The following PTPRG variants were observed in gnomAD, a reference collection of about 807,000 sequenced individuals.
PTPRG encodes the protein receptor-type tyrosine-protein phosphatase gamma.
Under a neutral mutation model 165.3 loss-of-function variants are expected in PTPRG, and 102 were observed. That is an observed-to-expected ratio of 0.62 (90% confidence interval 0.53 to 0.73). The LOEUF (loss-of-function observed/expected upper bound fraction) is 0.73. Among genes scored for constraint, PTPRG ranks in the 30% least tolerant of loss-of-function variants. The pLI, the probability that PTPRG is intolerant of heterozygous loss-of-function variation, is 0.00. For synonymous variants in PTPRG, 675 were observed against 669.5 expected (o/e 1.01, Z -0.13); for missense variants, 1,866 against 1,861.4 (o/e 1.00, Z -0.05).
intron 1 of PTPRG, among the ~76,000 whole-genome samples, chr3:61,630,677 C>T (rs1464969369): frequency 6.6e-6 from 1 of 152,144 alleles, no homozygotes; most frequent in Non-Finnish European, 1.5e-5. Flanking sequence ...CATCTCAAGT[C>T]TCTTTGACCA....
intron 1 of PTPRG, among the ~76,000 whole-genome samples, chr3:61,653,903 G>GGCGGT (rs1553644925): frequency 6.5e-5 from 9 of 137,920 alleles, no homozygotes; most frequent in South Asian, 2.4e-4. Flanking sequence ...GAGCGGTGGG[G>GGCGGT]GGCGCGGGGA....
chr3:61,940,270 G>T (rs957647681), intron 2 of PTPRG, among the ~76,000 whole-genome samples: 1 of 152,038 alleles, frequency 6.6e-6, no homozygotes, highest in African/African-American at 2.4e-5. Context: ...TTTTAATGTG[G>T]TTGCATTACT....
At chr3:61,781,893 T>TTG (rs1305217423) in intron 2 of PTPRG, among the ~76,000 whole-genome samples, 8 of 149,334 alleles carry the variant, frequency 5.4e-5, no homozygotes, top group Non-Finnish European at 1.2e-4. Context: ...ATGCCCAGTT[T>TTG]TTTTTTTTTT....
At chr3:62,184,734 T>C (rs7635024) in intron 8 of PTPRG, among the ~76,000 whole-genome samples, 46,943 of 152,094 alleles carry the variant, frequency 0.31, 7,715 homozygotes, top group African/African-American at 0.43. Context: ...CATATGATGT[T>C]GCAACACCTC....
At chr3:62,248,975 T>C (rs1314998312) in intron 15 of PTPRG, among the ~76,000 whole-genome samples, 1 of 152,200 alleles carries the variant, frequency 6.6e-6, no homozygotes, top group Non-Finnish European at 1.5e-5. Context: ...ACCAACCTTG[T>C]TGGCATATTT....
At chr3:61,923,263 C>T (rs531730949) in intron 2 of PTPRG, among the ~76,000 whole-genome samples, 1 of 152,200 alleles carries the variant, frequency 6.6e-6, no homozygotes, top group South Asian at 2.1e-4. Context: ...AGACCCTGAG[C>T]TGTGTGAAAA....
chr3:62,250,480 T>C (rs1045479035), intron 15 of PTPRG, among the ~76,000 whole-genome samples: 2 of 152,204 alleles, frequency 1.3e-5, no homozygotes, highest in Non-Finnish European at 2.9e-5. Flanking sequence ...TGCTTATTTT[T>C]CCTTTCTAAT....
intron 2 of PTPRG, among the ~76,000 whole-genome samples, chr3:61,984,532 G>T (rs2040711278): frequency 6.6e-6 from 1 of 152,112 alleles, no homozygotes; most frequent in Non-Finnish European, 1.5e-5. Context: ...GTAAAACCTG[G>T]TTAGTAAAAT....
chr3:61,660,166 A>C (rs1455294211), intron 1 of PTPRG, among the ~76,000 whole-genome samples: 1 of 152,212 alleles, frequency 6.6e-6, no homozygotes, highest in Non-Finnish European at 1.5e-5. Flanking sequence ...TAGAGGTTGT[A>C]GTGAGGTCAG....
intron 1 of PTPRG, among the ~76,000 whole-genome samples, chr3:61,649,483 C>T (rs780732147): frequency 3.9e-5 from 6 of 152,174 alleles, no homozygotes; most frequent in African/African-American, 7.2e-5. Flanking sequence ...TGTGACCTCT[C>T]ATGCAGAAGT....
rs552516393 is a variant in PTPRG, at chr3:62,255,789, G to A, written c.2559+574G>A. 1.3e-5 allele frequency among the ~76,000 whole-genome samples: 2 copies of A among 152,258 alleles called. No homozygotes were observed. Among genetic ancestry groups the A allele is most frequent in the East Asian group, 3.9e-4 (2 of 5,184 alleles). On this transcript the variant is annotated intron_variant, in intron 16 of 29. Coordinates refer to ENST00000474889, the MANE Select transcript of PTPRG (RefSeq NM_002841.4). The surrounding 1 kb of genome is among the most constrained non-coding windows in gnomAD (Gnocchi z 4.0). ...GTTCATTGTTAAGAACCATGCAAAGGTTGACTGTTGTTGTTTTCATGATTA... is the reference window on the plus strand; with the variant it reads ...GTTCATTGTTAAGAACCATGCAAAGATTGACTGTTGTTGTTTTCATGATTA...
Position 61,689,478 on chromosome 3 carries a change from A to G in PTPRG, c.86-59400A>G, listed in dbSNP as rs142066370. On this transcript the variant is annotated intron_variant, in intron 1 of 29. Coordinates refer to ENST00000474889, the MANE Select transcript of PTPRG (RefSeq NM_002841.4). Reference sequence around the variant, plus strand: ...AACAGAGTCTTGAGCAAGCACCTCAAATAAATACATAGGCCATTACTCTCT... The same window carrying G: ...AACAGAGTCTTGAGCAAGCACCTCAGATAAATACATAGGCCATTACTCTCT... Among the ~76,000 whole-genome samples, 5 of 152,336 alleles carry G rather than the reference A, an allele frequency of 3.3e-5. No homozygotes were observed. The East Asian group carries it at 5.8e-4, about 18-fold the overall frequency.
chr3:61,879,332 C>G (rs890111424), intron 2 of PTPRG, among the ~76,000 whole-genome samples: 3 of 152,138 alleles, frequency 2.0e-5, no homozygotes, highest in African/African-American at 7.2e-5. Context: ...AGTTTTAAGT[C>G]TTCTGATATA....
intron 1 of PTPRG, among the ~76,000 whole-genome samples, chr3:61,566,510 C>T (rs923390167): frequency 6.6e-6 from 1 of 152,096 alleles, no homozygotes; most frequent in African/African-American, 2.4e-5. Context: ...TTCCTGGAGA[C>T]TTCTTTTCTT....
intron 2 of PTPRG, among the ~76,000 whole-genome samples, chr3:61,885,655 T>TCC (rs2038008341): frequency 2.6e-5 from 3 of 114,910 alleles, no homozygotes; most frequent in Non-Finnish European, 3.6e-5. Flanking sequence ...ACTCTTTTCC[T>TCC]TCTCTCCTCT....
chr3:61,811,444 GACCAACACA>G (rs2035573017), intron 2 of PTPRG, among the ~76,000 whole-genome samples: 4 of 152,120 alleles, frequency 2.6e-5, no homozygotes, highest in Non-Finnish European at 5.9e-5. Flanking sequence ...GTAGAAATCT[GACCAACACA>G]GCAGACAAGT....
At chr3:62,017,800 G>T (rs936092222) in intron 4 of PTPRG, among the ~76,000 whole-genome samples, 2 of 152,126 alleles carry the variant, frequency 1.3e-5, no homozygotes, top group Non-Finnish European at 2.9e-5. Context: ...CACATATCAA[G>T]ACAGATTGTT....
At chr3:61,631,293 A>G (rs1018005095) in intron 1 of PTPRG, among the ~76,000 whole-genome samples, 3 of 152,178 alleles carry the variant, frequency 2.0e-5, no homozygotes, top group Non-Finnish European at 4.4e-5. Context: ...GTCCACCCTT[A>G]TCTGCGGTTT....
intron 4 of PTPRG, among the ~76,000 whole-genome samples, chr3:62,018,465 A>G (rs1051247694): frequency 6.6e-6 from 1 of 152,136 alleles, no homozygotes; most frequent in Admixed American, 6.5e-5. Flanking sequence ...ATAATAGATG[A>G]TTTGTAGGCT....
Sources: gnomAD v4.1 joint callset for allele counts (sites outside exome capture counted in the v4.1 genomes callset) on GRCh38, gnomAD v4.1.1 for gene constraint, Gnocchi (gnomAD v3.1) non-coding constraint, MANE v1.5 for transcripts, NCBI Gene and HGNC (gene_info 2026-07-23, HGNC 2026-07-21) for gene names.